Variants in COL23A1 observed in about 807,000 individuals in gnomAD.
COL23A1 encodes collagen type XXIII alpha 1 chain.
COL23A1 carries 97 observed loss-of-function variants against 99.3 expected under a neutral mutation model. The observed-to-expected ratio is 0.98, with a 90% CI of 0.83 to 1.16. The LOEUF (loss-of-function observed/expected upper bound fraction) is 1.16. COL23A1 is among the 50% of genes most tolerant of loss of function. COL23A1 has a pLI of 0.00. For missense variants in COL23A1, 762 were observed against 757.4 expected (o/e 1.01, Z -0.07); for synonymous variants, 320 against 308.2 (o/e 1.04, Z -0.40).
intron 2 of COL23A1, among the ~76,000 whole-genome samples, chr5:178,401,744 C>T (rs921418225): frequency 3.3e-5 from 5 of 152,228 alleles, no homozygotes; most frequent in Non-Finnish European, 5.9e-5. Flanking sequence ...TGCCATTTGA[C>T]ATCCCCCTAG....
intron 3 of COL23A1, among the ~76,000 whole-genome samples, chr5:178,300,595 G>A (rs1757980573): frequency 6.6e-6 from 1 of 151,866 alleles, no homozygotes; most frequent in Non-Finnish European, 1.5e-5. Context: ...TGTTGTCCAG[G>A]CTGGAGTGCA....
chr5:178,361,462 G>A (rs978869569), intron 2 of COL23A1, among the ~76,000 whole-genome samples: 1 of 152,086 alleles, frequency 6.6e-6, no homozygotes, highest in Admixed American at 6.5e-5. Flanking sequence ...GGTAGAAGCT[G>A]ATGCTCTTAG....
At chr5:178,342,303 G>A (rs577052394) in intron 2 of COL23A1, among the ~76,000 whole-genome samples, 1 of 152,314 alleles carries the variant, frequency 6.6e-6, no homozygotes, top group East Asian at 1.9e-4. Context: ...ATGTGGAATC[G>A]CTAGCACCAA....
chr5:178,452,612 C>CATA (rs1207837324), intron 2 of COL23A1, among the ~76,000 whole-genome samples: 1 of 152,180 alleles, frequency 6.6e-6, no homozygotes, highest in African/African-American at 2.4e-5. Flanking sequence ...TTCTGTAATA[C>CATA]ATAAGGAGTG....
Position 178,237,663 on chromosome 5 carries a change from G to A in COL23A1, c.*1035C>T, listed in dbSNP as rs1183502321. On this transcript the variant is annotated 3_prime_UTR_variant, in exon 29 of 29. Coordinates refer to ENST00000390654, the MANE Select transcript of COL23A1 (RefSeq NM_173465.4). ...TACACACAGTGATCTCCATCTACAC[G>A]GAAATGGAAGGCAAGCAGCCAGGAT... is the stretch of plus-strand genomic sequence containing the variant. The A allele has an allele frequency of 1.3e-5, 2 of 152,708 alleles. No homozygotes were observed. The highest frequency in any genetic ancestry group is 1.9e-4 in the East Asian group (1 of 5,198). The allele number at this position is 152,708 out of a possible 1,614,324, so 9.5% of individuals were successfully genotyped here.
intron 1 of COL23A1, chr5:178,562,672 G>A (rs1365358133): frequency 6.6e-6 from 1 of 150,440 alleles, no homozygotes; most frequent in Non-Finnish European, 1.5e-5. Context: ...TTATTGTGAA[G>A]AGCAAAAGAA....
intron 2 of COL23A1, among the ~76,000 whole-genome samples, chr5:178,355,502 CGAA>C: frequency 6.6e-6 from 1 of 152,030 alleles, no homozygotes; most frequent in Admixed American, 6.6e-5. Flanking sequence ...AAAGAACTAC[CGAA>C]GGCTGAGTAA....
intron 2 of COL23A1, among the ~76,000 whole-genome samples, chr5:178,375,584 C>T (rs921181814): frequency 2.0e-5 from 3 of 152,360 alleles, no homozygotes; most frequent in East Asian, 1.9e-4. Flanking sequence ...CCTGCTTTCC[C>T]GTCTTACTTC....
intron 4 of COL23A1, 140 bp from the exon 5 acceptor site, chr5:178,288,490 G>C (rs1389390066): frequency 5.2e-6 from 4 of 772,844 alleles, no homozygotes; most frequent in Non-Finnish European, 9.5e-6. Context: ...GAGGACTCAA[G>C]GGCTCCAGGG....
At chr5:178,358,226 G>T (rs1561896581) in intron 2 of COL23A1, among the ~76,000 whole-genome samples, 1 of 95,138 alleles carries the variant, frequency 1.1e-5, no homozygotes, top group East Asian at 4.5e-4. Context: ...TGTGTCTAAT[G>T]TGTGTATGTG....
At chr5:178,266,282 C>A (rs1043482101) in intron 8 of COL23A1, among the ~76,000 whole-genome samples, 2 of 152,086 alleles carry the variant, frequency 1.3e-5, no homozygotes, top group Non-Finnish European at 2.9e-5. Flanking sequence ...CTCAAGTGAT[C>A]CACCTGCCTC....
chr5:178,427,681 ATAT>A (rs1222113171), intron 2 of COL23A1, among the ~76,000 whole-genome samples: 3 of 152,206 alleles, frequency 2.0e-5, no homozygotes, highest in Non-Finnish European at 4.4e-5. Context: ...GCTTAAATGC[ATAT>A]TATTAGGAGA....
At chr5:178,394,941 G>T (rs1319504148) in intron 2 of COL23A1, among the ~76,000 whole-genome samples, 3 of 110,978 alleles carry the variant, frequency 2.7e-5, no homozygotes, top group East Asian at 2.8e-4. Flanking sequence ...CTGGGCATTC[G>T]GCTCTCAGCT....
chr5:178,238,827 CAGT>C, intron 28 of COL23A1, 127 bp from the exon 29 acceptor site: 1 of 1,278,950 alleles, frequency 7.8e-7, no homozygotes, highest in South Asian at 1.2e-5. Context: ...CACTCCCTCT[CAGT>C]GGGCCAGTTG....
chr5:178,584,745 A>G (rs1183504239), intron 1 of COL23A1, among the ~76,000 whole-genome samples: 1 of 152,152 alleles, frequency 6.6e-6, no homozygotes, highest in Non-Finnish European at 1.5e-5. Context: ...GCAGGATAGT[A>G]GGGGGTAACA....
chr5:178,465,658 C>T (rs1206524194), intron 2 of COL23A1, among the ~76,000 whole-genome samples: 4 of 152,218 alleles, frequency 2.6e-5, no homozygotes, highest in South Asian at 2.1e-4. Context: ...TTCTAGCAGG[C>T]TCTGAGCCCT....
At chr5:178,256,268 G>T in intron 15 of COL23A1, 85 bp downstream of exon 15, 1 of 936,906 alleles carries the variant, frequency 1.1e-6, no homozygotes, top group East Asian at 2.8e-5. Flanking sequence ...TGCTCCTCTG[G>T]GGTCTCTGTG....
rs180768988 is a variant in COL23A1, at chr5:178,476,301, T to G, written c.361+84381A>C. Among the ~76,000 whole-genome samples the G allele has an allele frequency of 3.2e-3, 488 of 152,248 alleles. 1 individual carries two copies. Among genetic ancestry groups the G allele is most frequent in the Non-Finnish European group, 3.6e-3 (244 of 68,010 alleles). On this transcript the variant is annotated intron_variant, in intron 2 of 28. Transcript: ENST00000390654. ...CCTTTCCCAGCGGTATAAGAGCCCTTGGTCTGTTGAGTAACAGAGTGGAGA... is the reference window on the plus strand; with the variant it reads ...CCTTTCCCAGCGGTATAAGAGCCCTGGGTCTGTTGAGTAACAGAGTGGAGA...
chr5:178,541,460 C>T lies in COL23A1; in HGVS notation c.361+19222G>A, dbSNP rs868162219. Among the ~76,000 whole-genome samples the T allele has an allele frequency of 2.2e-4, 33 of 152,072 alleles. 1 individual carries two copies. The highest frequency in any genetic ancestry group is 3.3e-4 in the Admixed American group (5 of 15,262). On this transcript the variant is annotated intron_variant, in intron 2 of 28. Coordinates refer to ENST00000390654, the MANE Select transcript of COL23A1 (RefSeq NM_173465.4). The stretch of plus-strand genomic sequence containing the variant: ...AAAATTAGCCGGGTGTGGTGGTCCT[C>T]GCTGCTTGGGAGGCTGAGGCAGGAG...
Sources: gnomAD v4.1 joint callset for allele counts (sites outside exome capture counted in the v4.1 genomes callset) on GRCh38, gnomAD v4.1.1 for gene constraint, MANE v1.5 for transcripts, NCBI Gene and HGNC (gene_info 2026-07-23, HGNC 2026-07-21) for gene names.